LSAMP: variants seen among roughly 807,000 people sequenced by gnomAD.
The protein encoded by LSAMP is limbic system associated membrane protein, also known as limbic system-associated membrane protein.
Under a neutral mutation model 38.6 loss-of-function variants are expected in LSAMP, and 7 were observed. The observed-to-expected ratio is 0.18, with a 90% CI of 0.10 to 0.34. The LOEUF (loss-of-function observed/expected upper bound fraction) is 0.34. Ranked by LOEUF, LSAMP falls within the 10% of genes least tolerant of loss-of-function variation. LSAMP has a pLI of 1.00. For synonymous variants in LSAMP, 154 were observed against 166.8 expected, an observed-to-expected ratio of 0.92 and a Z score of 0.59; for missense variants, 313 against 420.0, an observed-to-expected ratio of 0.75 and a Z score of 2.23.
intron 1 of LSAMP, among the ~76,000 whole-genome samples, chr3:116,232,699 C>CTTTT (rs1219296323): frequency 0.047 from 4,689 of 99,290 alleles, 309 homozygotes; most frequent in Admixed American, 0.11. Context: ...TTCTTTCTTT[C>CTTTT]TTTTTTTTTT....
Position 115,841,235 on chromosome 3 carries a change from C to T in LSAMP, c.919+610G>A, listed in dbSNP as rs183216713. Among the ~76,000 whole-genome samples, 402 of 152,306 alleles carry T rather than the reference C, an allele frequency of 2.6e-3. 1 individual carries two copies. Among genetic ancestry groups the T allele is most frequent in the Non-Finnish European group, 3.6e-3 (242 of 68,014 alleles). On this transcript the variant is annotated intron_variant, in intron 6 of 6. Transcript: ENST00000490035. Reference sequence around the variant, plus strand: ...AGAAATGTTCCTCTTTCCTACCATTCCATCTCTGTTCCAAAAATATATCAG... The same window carrying T: ...AGAAATGTTCCTCTTTCCTACCATTTCATCTCTGTTCCAAAAATATATCAG...
At chr3:116,275,587 C>T (rs138944282) in intron 1 of LSAMP, among the ~76,000 whole-genome samples, 29 of 151,682 alleles carry the variant, frequency 1.9e-4, no homozygotes, top group African/African-American at 7.2e-5. Flanking sequence ...TTTTTTAAAC[C>T]TCACTCTTTA....
chr3:116,228,237 T>C (rs970613703), intron 1 of LSAMP, among the ~76,000 whole-genome samples: 2 of 151,968 alleles, frequency 1.3e-5, no homozygotes, highest in Non-Finnish European at 2.9e-5. Flanking sequence ...ATAGTACTTA[T>C]TGATAAATCA....
At chr3:115,971,962 C>T (rs1939033605) in intron 3 of LSAMP, among the ~76,000 whole-genome samples, 1 of 152,106 alleles carries the variant, frequency 6.6e-6, no homozygotes, top group South Asian at 2.1e-4. Flanking sequence ...CATTTTTTGG[C>T]TACTAATCCT....
intron 3 of LSAMP, among the ~76,000 whole-genome samples, chr3:115,917,733 T>C (rs1364412187): frequency 6.6e-6 from 1 of 152,060 alleles, no homozygotes; most frequent in Non-Finnish European, 1.5e-5. Context: ...GTTAATTTGG[T>C]GCCTTTTAGA....
chr3:115,929,411 A>G (rs1937546187), intron 3 of LSAMP, among the ~76,000 whole-genome samples: 1 of 152,106 alleles, frequency 6.6e-6, no homozygotes, highest in African/African-American at 2.4e-5. Flanking sequence ...TCAATTCTCA[A>G]ATAGGTGATA....
At chr3:116,224,233 C>T (rs1390947813) in intron 1 of LSAMP, among the ~76,000 whole-genome samples, 1 of 152,120 alleles carries the variant, frequency 6.6e-6, no homozygotes, top group East Asian at 1.9e-4. Flanking sequence ...ACTCCATGCC[C>T]AGAAAATAAT....
At chr3:116,421,555 AG>A (rs1331105855) in intron 1 of LSAMP, among the ~76,000 whole-genome samples, 762 of 68,164 alleles carry the variant, frequency 0.011, 9 homozygotes, top group African/African-American at 0.046. Flanking sequence ...AAAAAAAAAA[AG>A]AAGAAGAAGA....
chr3:116,382,470 C>G (rs370793356), intron 1 of LSAMP, among the ~76,000 whole-genome samples: 1 of 139,622 alleles, frequency 7.2e-6, no homozygotes. Flanking sequence ...CACTTGGACA[C>G]AGGAAGGGGA....
chr3:116,086,073 G>A (rs1005842518), intron 2 of LSAMP, among the ~76,000 whole-genome samples: 15 of 152,096 alleles, frequency 9.9e-5, no homozygotes, highest in Non-Finnish European at 2.2e-4. Flanking sequence ...TTTGCCGTGT[G>A]TTTTCACACT....
rs555463401 is a variant in LSAMP at position 115,804,523 on chromosome 3, C to A, written c.*5794G>T. The A allele has an allele frequency of 1.3e-5, 2 of 152,184 alleles. No individual in the cohort carries two copies. Among genetic ancestry groups the A allele is most frequent in the South Asian group, 4.2e-4 (2 of 4,792 alleles). 9.4% of individuals were successfully genotyped at this position (152,184 alleles called of 1,614,324 possible). On this transcript the variant is annotated 3_prime_UTR_variant, in exon 7 of 7. Coordinates refer to ENST00000490035, the MANE Select transcript of LSAMP (RefSeq NM_002338.5). Reference sequence around the variant, plus strand: ...ATCTTAGATGATGAGGAAGCAGTACCAAGAAGACACTTGGGGGTTGATACA... The same window carrying A: ...ATCTTAGATGATGAGGAAGCAGTACAAAGAAGACACTTGGGGGTTGATACA...
chr3:116,420,366 G>T (rs2049106006), intron 1 of LSAMP, among the ~76,000 whole-genome samples: 1 of 151,858 alleles, frequency 6.6e-6, no homozygotes, highest in African/African-American at 2.4e-5. Context: ...CCAAAGTGCT[G>T]GGATTACAGG....
In LSAMP at chr3:116,412,304, A is replaced by G. The variant is rs532511330; in HGVS notation, c.155+32573T>C. On this transcript the variant is annotated intron_variant, in intron 1 of 6. Coordinates refer to ENST00000490035, the MANE Select transcript of LSAMP (RefSeq NM_002338.5). ...ATTGAGTTAAAAAGATCTGTTCTCTAGAAAGCATCACAGAGGATTCTCTTG... is the reference window on the plus strand; with the variant it reads ...ATTGAGTTAAAAAGATCTGTTCTCTGGAAAGCATCACAGAGGATTCTCTTG... Among the ~76,000 whole-genome samples, 27 of 152,178 alleles carry G rather than the reference A, an allele frequency of 1.8e-4. No homozygotes were observed. In the South Asian group the frequency reaches 5.0e-3, roughly 28 times the overall value.
chr3:115,955,245 A>G (rs1576253685), intron 3 of LSAMP, among the ~76,000 whole-genome samples: 1 of 151,956 alleles, frequency 6.6e-6, no homozygotes, highest in African/African-American at 2.4e-5. Flanking sequence ...TGTTTTTGAT[A>G]TTTTATTTGT....
intron 1 of LSAMP, among the ~76,000 whole-genome samples, chr3:116,350,518 G>A (rs2048123496): frequency 6.6e-6 from 1 of 151,872 alleles, no homozygotes; most frequent in Admixed American, 6.6e-5. Flanking sequence ...GTCCTGCCTG[G>A]GACATAAATT....
intron 1 of LSAMP, among the ~76,000 whole-genome samples, chr3:116,438,849 GA>G (rs1260267363): frequency 6.6e-6 from 1 of 152,206 alleles, no homozygotes. Flanking sequence ...TCATAAGGAT[GA>G]AATTGTGTAA....
chr3:115,836,303 T>C (rs1376701963), intron 6 of LSAMP, among the ~76,000 whole-genome samples: 2 of 152,250 alleles, frequency 1.3e-5, no homozygotes, highest in Admixed American at 6.5e-5. Context: ...CTTAGATGCT[T>C]CTCCATCCCA....
At position 116,013,525 on chromosome 3, in the gene LSAMP, A is replaced by G. The variant is rs146175801; in HGVS notation, c.514+5990T>C. On this transcript the variant is annotated intron_variant, in intron 3 of 6. Transcript: ENST00000490035. ...ATATACCTGCTACTGATATACTGAG[A>G]CTATACTGGGAAAGTATATAACTTT... Among the ~76,000 whole-genome samples the G allele has an allele frequency of 7.2e-4, 109 of 152,264 alleles. 1 individual carries two copies. Among genetic ancestry groups the G allele is most frequent in the African/African-American group, 2.6e-3 (107 of 41,564 alleles).
intron 1 of LSAMP, among the ~76,000 whole-genome samples, chr3:116,322,804 C>T (rs185498667): frequency 1.5e-4 from 23 of 151,930 alleles, no homozygotes; most frequent in Admixed American, 3.3e-4. Flanking sequence ...CCTTTTCTTC[C>T]GCCATCTTTT....
Sources: allele counts gnomAD v4.1 joint callset (sites outside exome capture counted in the v4.1 genomes callset), GRCh38; gene constraint gnomAD v4.1.1; transcripts MANE v1.5; gene names NCBI Gene and HGNC (gene_info 2026-07-23, HGNC 2026-07-21).